The following FILIP1 variants were observed in gnomAD, a reference collection of about 807,000 sequenced individuals.
The protein encoded by FILIP1 is filamin A interacting protein 1, also known as filamin-A-interacting protein 1.
A neutral mutation model predicts 102.1 loss-of-function variants in FILIP1; 61 were observed. The observed-to-expected ratio is 0.60, with a 90% CI of 0.49 to 0.74. FILIP1 has a LOEUF of 0.74. Ranked by LOEUF, FILIP1 falls within the 30% of genes least tolerant of loss-of-function variation. The pLI, the probability that FILIP1 is intolerant of heterozygous loss-of-function variation, is 0.00. For synonymous variants in FILIP1, 491 were observed against 526.9 expected, an observed-to-expected ratio of 0.93 and a Z score of 0.93; for missense variants, 1,314 against 1,441.2, an observed-to-expected ratio of 0.91 and a Z score of 1.43.
intron 2 of FILIP1, among the ~76,000 whole-genome samples, chr6:75,411,564 ATCTT>A (rs1345537568): frequency 5.3e-5 from 8 of 152,084 alleles, no homozygotes; most frequent in Non-Finnish European, 1.0e-4. Context: ...TTATGTTTAA[ATCTT>A]TAATCCATCG....
intron 3 of FILIP1, among the ~76,000 whole-genome samples, chr6:75,355,716 T>C (rs1030997811): frequency 1.3e-5 from 2 of 152,192 alleles, no homozygotes; most frequent in Non-Finnish European, 2.9e-5. Flanking sequence ...CCAGGTTATA[T>C]GATTTTAAAG....
rs1447103894 is a variant in FILIP1, at chr6:75,313,048, T to G, written c.2784A>C (p.Thr928=). ...AAAAAAATTCTTCAGATGTCGGGCT[T>G]GTTATCTCCAAAGTCGCAGTGCTGT... is the stretch of plus-strand genomic sequence containing the variant. ...HENSTATLEI[T]SPTSEEFFSS... The change falls in exon 5 of 6, where the codon ACA becomes ACC. Residue 928 remains threonine (T), a synonymous_variant. Coordinates refer to ENST00000237172, the MANE Select transcript of FILIP1 (RefSeq NM_015687.5). The surrounding 1 kb of genome is among the most constrained non-coding windows in gnomAD (Gnocchi z 4.2). The G allele has an allele frequency of 1.9e-6, 3 of 1,614,234 alleles. No homozygotes were observed. The highest frequency in any genetic ancestry group is 2.2e-5 in the South Asian group (2 of 91,086).
intron 4 of FILIP1, among the ~76,000 whole-genome samples, chr6:75,349,429 G>A (rs1172824756): frequency 6.6e-6 from 1 of 152,056 alleles, no homozygotes; most frequent in Non-Finnish European, 1.5e-5. Context: ...CCACCGGCGG[G>A]AGAAGCTGAG....
intron 1 of FILIP1, among the ~76,000 whole-genome samples, chr6:75,456,385 G>A (rs1235456674): frequency 1.3e-5 from 2 of 151,918 alleles, no homozygotes; most frequent in Non-Finnish European, 2.9e-5. Context: ...CAATCTTTTG[G>A]CATCTAGCAT....
rs763869121 is a variant in FILIP1, at chr6:75,449,374, A to G, written c.-6-34396T>C. Among the ~76,000 whole-genome samples, 50 of 152,172 alleles carry G rather than the reference A, an allele frequency of 3.3e-4. 1 individual carries two copies. Among genetic ancestry groups the G allele is most frequent in the Non-Finnish European group, 7.2e-4 (49 of 68,014 alleles). On this transcript the variant is annotated intron_variant, in intron 1 of 5. Coordinates refer to ENST00000237172, the MANE Select transcript of FILIP1 (RefSeq NM_015687.5). ...AGATAAAAGACTGCATTTTGGGTACAGTGTACACTGCTCGGGTGATGGGTG... is the reference window on the plus strand; with the variant it reads ...AGATAAAAGACTGCATTTTGGGTACGGTGTACACTGCTCGGGTGATGGGTG...
intron 2 of FILIP1, among the ~76,000 whole-genome samples, chr6:75,402,129 A>G (rs987144467): frequency 6.6e-6 from 1 of 152,140 alleles, no homozygotes; most frequent in Non-Finnish European, 1.5e-5. Context: ...CAATAAAACT[A>G]AAGTTCTCCC....
intron 1 of FILIP1, among the ~76,000 whole-genome samples, chr6:75,442,490 G>A (rs530321645): frequency 1.3e-5 from 2 of 152,046 alleles, no homozygotes; most frequent in Admixed American, 6.6e-5. Flanking sequence ...ACCAGACTCC[G>A]TCTGCAATCC....
chr6:75,473,883 C>A (rs2808187), intron 1 of FILIP1: 105,386 of 152,018 alleles, frequency 0.69, 37,329 homozygotes, highest in African/African-American at 0.84. Flanking sequence ...TCATGGTTTT[C>A]AAATTTTTTA....
At chr6:75,312,174 T>C (rs940864004) in intron 5 of FILIP1, among the ~76,000 whole-genome samples, 3 of 152,222 alleles carry the variant, frequency 2.0e-5, no homozygotes, top group Admixed American at 6.5e-5. Context: ...ATAATTTACA[T>C]GAATAGGTGA....
intron 3 of FILIP1, among the ~76,000 whole-genome samples, chr6:75,356,551 C>G (rs1775007992): frequency 6.6e-6 from 1 of 152,088 alleles, no homozygotes; most frequent in African/African-American, 2.4e-5. Context: ...TCACTGCAAC[C>G]TCCGCCTCCT....
downstream of FILIP1, among the ~76,000 whole-genome samples, chr6:75,305,491 TAG>T (rs1485620178): frequency 1.3e-5 from 2 of 152,176 alleles, no homozygotes; most frequent in Non-Finnish European, 2.9e-5. Context: ...CTAAAATCTC[TAG>T]AGAGAGCTCA....
chr6:75,425,096 T>C (rs755036698), intron 1 of FILIP1, among the ~76,000 whole-genome samples: 3 of 152,152 alleles, frequency 2.0e-5, no homozygotes, highest in Admixed American at 1.3e-4. Context: ...ACAGCCTAAA[T>C]TGAAAACAGA....
intron 6 of FILIP1, chr6:75,297,029 C>T (rs1772701157): frequency 6.6e-6 from 1 of 152,058 alleles, no homozygotes; most frequent in Non-Finnish European, 1.5e-5. Context: ...CCTAACATCA[C>T]TGAGATTATA....
At chr6:75,477,629 G>A (rs1200202453) in intron 1 of FILIP1, among the ~76,000 whole-genome samples, 1 of 151,420 alleles carries the variant, frequency 6.6e-6, no homozygotes, top group Non-Finnish European at 1.5e-5. Flanking sequence ...TGAATAAAAG[G>A]GAAATAAGAT....
intron 4 of FILIP1, among the ~76,000 whole-genome samples, chr6:75,345,916 G>A (rs1234044779): frequency 1.3e-5 from 2 of 152,102 alleles, no homozygotes; most frequent in Non-Finnish European, 2.9e-5. Flanking sequence ...GTTCTTTCTG[G>A]TCCAAGTTCT....
At chr6:75,483,095 T>C (rs1465560562) in intron 1 of FILIP1, among the ~76,000 whole-genome samples, 1 of 152,238 alleles carries the variant, frequency 6.6e-6, no homozygotes, top group East Asian at 1.9e-4. Flanking sequence ...AGATTCATTT[T>C]ACTGGACAAC....
At chr6:75,345,163 G>A (rs187623008) in intron 4 of FILIP1, among the ~76,000 whole-genome samples, 210 of 152,160 alleles carry the variant, frequency 1.4e-3, no homozygotes, top group African/African-American at 4.9e-3. Context: ...ACAGTAAAGT[G>A]TACTTCTTGC....
intron 4 of FILIP1, among the ~76,000 whole-genome samples, chr6:75,326,556 A>T (rs1773871024): frequency 1.3e-5 from 2 of 152,228 alleles, no homozygotes; most frequent in African/African-American, 4.8e-5. Flanking sequence ...ATATTTGCTA[A>T]TACCTAATTT....
rs755925479 is a variant in FILIP1 at position 75,313,359 on chromosome 6, G to A, written c.2473C>T (p.Arg825Trp). The change falls in exon 5 of 6, where the codon CGG (arginine) becomes TGG (tryptophan). Residue 825 changes from arginine (R) to tryptophan (W), a missense_variant. Transcript: ENST00000237172. The surrounding 1 kb of genome is among the most constrained non-coding windows in gnomAD (Gnocchi z 4.2). ...AEEETPAVFI[R>W]KSFQEENHIM... ...TGATTTTCTTCCTGGAAGGATTTCC[G>A]TATGAATACAGCTGGCGTTTCTTCC... 2.5e-5 allele frequency: 40 copies of A among 1,614,016 alleles called. No individual in the cohort carries two copies. Among genetic ancestry groups the A allele is most frequent in the African/African-American group, 8.0e-5 (6 of 74,882 alleles).
Sources: allele counts gnomAD v4.1 joint callset (sites outside exome capture counted in the v4.1 genomes callset), GRCh38; gene constraint gnomAD v4.1.1; non-coding constraint Gnocchi (gnomAD v3.1); transcripts MANE v1.5; gene names NCBI Gene and HGNC (gene_info 2026-07-23, HGNC 2026-07-21).